ADK: variants seen among roughly 807,000 people sequenced by gnomAD.
The protein encoded by ADK is N6,N6-dimethyladenosine kinase.
Under a neutral mutation model 44.7 loss-of-function variants are expected in ADK, and 24 were observed. That is an observed-to-expected ratio of 0.54 (90% CI 0.39 to 0.76). ADK has a LOEUF of 0.76. Among genes scored for constraint, ADK ranks in the 30% least tolerant of loss-of-function variants. ADK has a pLI of 0.00. For synonymous variants in ADK, 128 were observed against 142.6 expected (o/e 0.90, Z 0.73); for missense variants, 321 against 425.1 (o/e 0.76, Z 2.15).
Position 74,300,569 on chromosome 10 carries a change from G to A in ADK, c.195-14098G>A, listed in dbSNP as rs754855972. The stretch of plus-strand genomic sequence containing the variant: ...GCTTTTTGTATTTTTAGTAGAGACA[G>A]GATTTCACCATGTTGACCAGCCTGG... On this transcript the variant is annotated intron_variant, in intron 3 of 10. Transcript: ENST00000539909. Among the ~76,000 whole-genome samples, 69 of 152,018 alleles carry A rather than the reference G, an allele frequency of 4.5e-4. 1 individual carries two copies. Among genetic ancestry groups the A allele is most frequent in the Non-Finnish European group, 6.2e-4 (42 of 68,020 alleles).
At chr10:74,315,857 T>C (rs1182333404) in intron 4 of ADK, among the ~76,000 whole-genome samples, 2 of 152,212 alleles carry the variant, frequency 1.3e-5, no homozygotes, top group African/African-American at 4.8e-5. Flanking sequence ...TGAAGTGGCC[T>C]GAGTCTTTGT....
chr10:74,691,519 G>C (rs1855988799), intron 10 of ADK, among the ~76,000 whole-genome samples: 1 of 152,182 alleles, frequency 6.6e-6, no homozygotes, highest in South Asian at 2.1e-4. Context: ...GGTGAGGGAT[G>C]GAGGCAGCAG....
At chr10:74,427,853 A>G (rs1324645868) in intron 6 of ADK, among the ~76,000 whole-genome samples, 1 of 152,068 alleles carries the variant, frequency 6.6e-6, no homozygotes, top group Non-Finnish European at 1.5e-5. Context: ...TCCCACTGTT[A>G]GTTTCCTAAG....
chr10:74,323,251 T>C (rs1840880161), intron 4 of ADK, among the ~76,000 whole-genome samples: 1 of 152,206 alleles, frequency 6.6e-6, no homozygotes, highest in African/African-American at 2.4e-5. Flanking sequence ...TTATTTGAAA[T>C]GAAAATTGAA....
At chr10:74,207,273 C>G (rs1843640260) in intron 2 of ADK, among the ~76,000 whole-genome samples, 1 of 152,162 alleles carries the variant, frequency 6.6e-6, no homozygotes, top group Non-Finnish European at 1.5e-5. Flanking sequence ...GTGTCACAGC[C>G]CTGGATTGGG....
chr10:74,338,898 T>C (rs1841496407), intron 4 of ADK, among the ~76,000 whole-genome samples: 1 of 152,164 alleles, frequency 6.6e-6, no homozygotes, highest in African/African-American at 2.4e-5. Context: ...TTTTATAGAA[T>C]AGTACACACA....
At chr10:74,294,197 T>A (rs1455148759) in intron 3 of ADK, among the ~76,000 whole-genome samples, 1 of 152,220 alleles carries the variant, frequency 6.6e-6, no homozygotes, top group African/African-American at 2.4e-5. Context: ...ATTTGGGTTG[T>A]TACTAGTTTG....
intron 9 of ADK, among the ~76,000 whole-genome samples, chr10:74,611,786 T>C (rs917730517): frequency 1.3e-5 from 2 of 152,118 alleles, no homozygotes; most frequent in Admixed American, 6.6e-5. Flanking sequence ...GCATCTATGC[T>C]GCTGCAAAGG....
At chr10:74,168,652 G>C (rs1842092101) in intron 1 of ADK, among the ~76,000 whole-genome samples, 1 of 151,214 alleles carries the variant, frequency 6.6e-6, no homozygotes, top group Non-Finnish European at 1.5e-5. Context: ...TCTCTGTGTC[G>C]CCCAGGCTGT....
At chr10:74,433,225 T>G (rs1236359112) in intron 6 of ADK, among the ~76,000 whole-genome samples, 2 of 152,184 alleles carry the variant, frequency 1.3e-5, no homozygotes, top group African/African-American at 4.8e-5. Context: ...GATTTTAGAG[T>G]GCTCATTCAT....
At chr10:74,241,064 G>C (rs1845188348) in intron 3 of ADK, among the ~76,000 whole-genome samples, 1 of 152,146 alleles carries the variant, frequency 6.6e-6, no homozygotes, top group Admixed American at 6.5e-5. Context: ...TTGTTTGACA[G>C]CATTATCACT....
intron 3 of ADK, among the ~76,000 whole-genome samples, chr10:74,238,856 CTTTT>C (rs752385282): frequency 1.0e-4 from 9 of 88,196 alleles, no homozygotes; most frequent in Non-Finnish European, 1.4e-4. Context: ...TTAGCTAGTG[CTTTT>C]TTTTTTTTTT....
chr10:74,392,737 A>G (rs1179906856), intron 4 of ADK, among the ~76,000 whole-genome samples: 2 of 121,634 alleles, frequency 1.6e-5, no homozygotes, highest in Admixed American at 8.6e-5. Context: ...GCTGTCCCCC[A>G]TATTTGAAAA....
chr10:74,521,965 A>G (rs1455229953), intron 6 of ADK, among the ~76,000 whole-genome samples: 1 of 152,208 alleles, frequency 6.6e-6, no homozygotes, highest in East Asian at 1.9e-4. Flanking sequence ...TTCACTAAAC[A>G]TACTAAAACA....
intron 3 of ADK, among the ~76,000 whole-genome samples, chr10:74,248,863 A>G (rs1447129827): frequency 2.6e-5 from 4 of 152,156 alleles, no homozygotes; most frequent in Non-Finnish European, 5.9e-5. Flanking sequence ...TTTTATTGCA[A>G]ACCATTTGAA....
intron 7 of ADK, among the ~76,000 whole-genome samples, chr10:74,533,178 A>G (rs1321792136): frequency 6.6e-6 from 1 of 152,190 alleles, no homozygotes; most frequent in African/African-American, 2.4e-5. Context: ...GAGATATATC[A>G]TGTTCATAGA....
At chr10:74,599,550 G>A (rs1013731104) in intron 8 of ADK, among the ~76,000 whole-genome samples, 1 of 152,134 alleles carries the variant, frequency 6.6e-6, no homozygotes, top group Non-Finnish European at 1.5e-5. Flanking sequence ...TGTTAGCAAA[G>A]CCCAAAACTA....
chr10:74,609,886 C>G (rs1192600145), intron 9 of ADK, among the ~76,000 whole-genome samples: 1 of 152,106 alleles, frequency 6.6e-6, no homozygotes, highest in Non-Finnish European at 1.5e-5. Flanking sequence ...GTATTTTCCG[C>G]TCACCCTGTT....
chr10:74,695,616 T>G (rs71473750), intron 10 of ADK, among the ~76,000 whole-genome samples: 100 of 21,482 alleles, frequency 4.7e-3, no homozygotes, highest in East Asian at 0.036. Context: ...TGTGTATGTG[T>G]GGGGTGTGTG....
Sources: gnomAD v4.1 joint callset for allele counts (sites outside exome capture counted in the v4.1 genomes callset) on GRCh38, gnomAD v4.1.1 for gene constraint, MANE v1.5 for transcripts, NCBI Gene and HGNC (gene_info 2026-07-23, HGNC 2026-07-21) for gene names.